The following MAPK10 variants were observed in gnomAD, a reference collection of about 807,000 sequenced individuals.
MAPK10 encodes the protein JNK3 alpha protein kinase.
Under a neutral mutation model 59.3 loss-of-function variants are expected in MAPK10, and 25 were observed. The observed-to-expected ratio is 0.42, with a 90% CI of 0.31 to 0.59. The LOEUF (loss-of-function observed/expected upper bound fraction) is 0.59. Ranked by LOEUF, MAPK10 falls within the 20% of genes least tolerant of loss-of-function variation. The pLI is 0.15. For synonymous variants in MAPK10, 190 were observed against 200.5 expected (o/e 0.95, Z 0.44); for missense variants, 351 against 568.9 (o/e 0.62, Z 3.90).
chr4:86,295,313 C>A (rs1457635753), intron 2 of MAPK10, among the ~76,000 whole-genome samples: 5 of 152,246 alleles, frequency 3.3e-5, no homozygotes, highest in African/African-American at 1.2e-4. Flanking sequence ...ACTCAAATGT[C>A]CCCTTTTCAG....
intron 2 of MAPK10, among the ~76,000 whole-genome samples, chr4:86,212,726 G>A (rs1033282035): frequency 3.9e-5 from 6 of 152,008 alleles, no homozygotes; most frequent in African/African-American, 1.5e-4. Context: ...TCAAAATATA[G>A]GAAGCAAAAA....
intron 2 of MAPK10, among the ~76,000 whole-genome samples, chr4:86,330,564 G>A (rs765791213): frequency 1.2e-4 from 18 of 152,128 alleles, no homozygotes; most frequent in Non-Finnish European, 2.2e-4. Context: ...TGAGTTCTCA[G>A]GAGATCTGAT....
intron 1 of MAPK10, among the ~76,000 whole-genome samples, chr4:86,484,419 C>G (rs1371653908): frequency 6.9e-6 from 1 of 143,894 alleles, no homozygotes; most frequent in Non-Finnish European, 1.5e-5. Flanking sequence ...CTCATCCTGT[C>G]TCTCCTAGTA....
chr4:86,115,849 G>C (rs576085161), intron 4 of MAPK10, among the ~76,000 whole-genome samples: 34 of 152,234 alleles, frequency 2.2e-4, no homozygotes, highest in African/African-American at 8.2e-4. Flanking sequence ...TTAAAATACT[G>C]TCTCTTAAAA....
At chr4:86,449,061 A>AGGATC (rs1750390934) in intron 1 of MAPK10, among the ~76,000 whole-genome samples, 1 of 152,124 alleles carries the variant, frequency 6.6e-6, no homozygotes, top group Non-Finnish European at 1.5e-5. Context: ...AATACAGAGG[A>AGGATC]GGATCGCTGG....
At chr4:86,303,653 T>C (rs1461494872) in intron 2 of MAPK10, among the ~76,000 whole-genome samples, 2 of 152,130 alleles carry the variant, frequency 1.3e-5, no homozygotes, top group African/African-American at 4.8e-5. Context: ...AAAGGGTAAA[T>C]AGGAGTTTTA....
intron 3 of MAPK10, among the ~76,000 whole-genome samples, chr4:86,162,983 T>C (rs2070339863): frequency 6.6e-6 from 1 of 152,114 alleles, no homozygotes; most frequent in South Asian, 2.1e-4. Context: ...AAAATCATCA[T>C]TACAAGGTTT....
At chr4:86,343,649 A>G (rs1162622941) in intron 2 of MAPK10, among the ~76,000 whole-genome samples, 1 of 152,160 alleles carries the variant, frequency 6.6e-6, no homozygotes, top group Non-Finnish European at 1.5e-5. Flanking sequence ...ATTAGTCAAA[A>G]CTAATTCCAA....
chr4:86,465,220 G>A (rs968045188), intron 1 of MAPK10, among the ~76,000 whole-genome samples: 1 of 152,190 alleles, frequency 6.6e-6, no homozygotes, highest in African/African-American at 2.4e-5. Flanking sequence ...TGCCAATCAG[G>A]AGAGTCTTCT....
chr4:86,267,034 T>C (rs986538262), intron 2 of MAPK10, among the ~76,000 whole-genome samples: 1 of 152,192 alleles, frequency 6.6e-6, no homozygotes, highest in African/African-American at 2.4e-5. Context: ...ATGAATCATT[T>C]TGGTCTCCAG....
intron 11 of MAPK10, among the ~76,000 whole-genome samples, chr4:86,060,508 G>C (rs912019792): frequency 6.6e-6 from 1 of 152,100 alleles, no homozygotes; most frequent in African/African-American, 2.4e-5. Context: ...TGCTCCTTAA[G>C]GCTTATCTGT....
intron 4 of MAPK10, chr4:86,117,882 C>T (rs2058528494): frequency 6.6e-6 from 1 of 152,188 alleles, no homozygotes; most frequent in African/African-American, 2.4e-5. Flanking sequence ...ACAGTAAGTG[C>T]ATAGTTCCAG....
chr4:86,444,159 T>C (rs1290366789), intron 1 of MAPK10, among the ~76,000 whole-genome samples: 4 of 152,024 alleles, frequency 2.6e-5, no homozygotes, highest in African/African-American at 9.7e-5. Flanking sequence ...ACTGAAGGAA[T>C]ATCTGGAACA....
intron 2 of MAPK10, among the ~76,000 whole-genome samples, chr4:86,316,957 A>T (rs532243265): frequency 1.3e-4 from 20 of 152,226 alleles, no homozygotes; most frequent in African/African-American, 4.3e-4. Flanking sequence ...AATACTCAAA[A>T]TTTTTTAACC....
intron 2 of MAPK10, among the ~76,000 whole-genome samples, chr4:86,205,909 T>C (rs918103803): frequency 6.6e-6 from 1 of 151,980 alleles, no homozygotes; most frequent in African/African-American, 2.4e-5. Flanking sequence ...TCAGATTTAA[T>C]AAAATATAAA....
intron 2 of MAPK10, among the ~76,000 whole-genome samples, chr4:86,257,742 A>G (rs1483253458): frequency 6.6e-6 from 1 of 152,152 alleles, no homozygotes; most frequent in Non-Finnish European, 1.5e-5. Flanking sequence ...TCCAAGTTCA[A>G]ATTTGTTGAA....
intron 1 of MAPK10, among the ~76,000 whole-genome samples, chr4:86,426,161 T>A (rs912164905): frequency 3.3e-5 from 5 of 152,252 alleles, no homozygotes; most frequent in African/African-American, 7.2e-5. Context: ...CTTTACAGTA[T>A]GCTATATTAC....
At chr4:86,427,655 T>C (rs1025308749) in intron 1 of MAPK10, among the ~76,000 whole-genome samples, 5 of 152,218 alleles carry the variant, frequency 3.3e-5, no homozygotes, top group Admixed American at 2.0e-4. Flanking sequence ...ACAGATTACA[T>C]AGCATTCTCT....
intron 2 of MAPK10, among the ~76,000 whole-genome samples, chr4:86,322,539 G>A (rs867876257): frequency 1.3e-5 from 2 of 152,090 alleles, no homozygotes; most frequent in Non-Finnish European, 2.9e-5. Context: ...ACTCAAAAGA[G>A]AAGAAGCGAC....
Sources: allele counts gnomAD v4.1 joint callset (sites outside exome capture counted in the v4.1 genomes callset), GRCh38; gene constraint gnomAD v4.1.1; transcripts MANE v1.5; gene names NCBI Gene and HGNC (gene_info 2026-07-23, HGNC 2026-07-21).